UMAD1: variants seen among roughly 807,000 people sequenced by gnomAD.
UMAD1 encodes the protein UBAP1-MVB12-associated (UMA) domain containing 1.
In UMAD1, 8 loss-of-function variants were observed where a neutral mutation model predicts 6.1. The observed-to-expected ratio is 1.30, with a 90% CI of 0.76 to 2.35. UMAD1 has a LOEUF of 2.35. Ranked by LOEUF, UMAD1 falls within the 30% of genes most tolerant of loss-of-function variation. The pLI, the probability that UMAD1 is intolerant of heterozygous loss-of-function variation, is 0.00. For missense variants in UMAD1, 130 were observed against 78.4 expected (o/e 1.66, Z -2.49); for synonymous variants, 56 against 31.4 (o/e 1.78, Z -2.61).
chr7:7,803,967 T>A (rs994591802), intron 3 of UMAD1, among the ~76,000 whole-genome samples: 5 of 152,220 alleles, frequency 3.3e-5, no homozygotes, highest in Admixed American at 2.0e-4. Flanking sequence ...ATAGAAAGAA[T>A]TCCAAGACTA....
chr7:7,800,039 A>G (rs368224406), intron 2 of UMAD1, among the ~76,000 whole-genome samples: 152 of 152,230 alleles, frequency 1.0e-3, no homozygotes, highest in African/African-American at 3.6e-3. Flanking sequence ...ATGTGCCACC[A>G]TGTCCAGCTA....
intron 1 of UMAD1, among the ~76,000 whole-genome samples, chr7:7,642,975 T>C (rs1785009114): frequency 6.6e-6 from 1 of 152,220 alleles, no homozygotes; most frequent in Non-Finnish European, 1.5e-5. Flanking sequence ...TTGTTTGTTT[T>C]TGAGATTCAT....
Position 7,712,488 on chromosome 7 carries a change from G to A in UMAD1, c.82+39035G>A, listed in dbSNP as rs542737159. 1.9e-3 allele frequency among the ~76,000 whole-genome samples: 289 copies of A among 152,154 alleles called. 3 individuals carry two copies. The highest frequency in any genetic ancestry group is 6.8e-3 in the African/African-American group (282 of 41,516). On this transcript the variant is annotated intron_variant, in intron 2 of 3. Coordinates refer to ENST00000682710, the MANE Select transcript of UMAD1 (RefSeq NM_001302348.2). ...TATTATTATAGTAAATATTTTTAAA[G>A]TTGTATTTTCTGTTTGTTGCCAGCA... is the stretch of plus-strand genomic sequence containing the variant.
At chr7:7,747,491 A>G (rs567366087) in intron 2 of UMAD1, among the ~76,000 whole-genome samples, 1 of 152,368 alleles carries the variant, frequency 6.6e-6, no homozygotes, top group Non-Finnish European at 1.5e-5. Context: ...AGAGTAGTAG[A>G]GGATGGCTCT....
intron 3 of UMAD1, among the ~76,000 whole-genome samples, chr7:7,802,012 T>G (rs1421390794): frequency 6.6e-6 from 1 of 152,256 alleles, no homozygotes; most frequent in East Asian, 1.9e-4. Flanking sequence ...TTTAAACTAT[T>G]TTTAATTGAG....
At chr7:7,714,333 G>A (rs1202453935) in intron 2 of UMAD1, among the ~76,000 whole-genome samples, 1 of 152,202 alleles carries the variant, frequency 6.6e-6, no homozygotes. Flanking sequence ...GGCTGCTCCA[G>A]CAGAGTGCTG....
rs1782132975 is a variant in UMAD1 at position 7,773,044 on chromosome 7, C to G, written c.83-28626C>G. On this transcript the variant is annotated intron_variant, in intron 2 of 3. Transcript: ENST00000682710. ...TTAGCTCTAGGAAACATGAGATGCT[C>G]TGCTATAGAATAATTGCTTGTTTTT... Among the ~76,000 whole-genome samples the G allele has an allele frequency of 2.0e-5, 3 of 152,136 alleles. No individual in the cohort carries two copies. In the South Asian group the frequency reaches 6.2e-4, roughly 32 times the overall value.
intron 1 of UMAD1, among the ~76,000 whole-genome samples, chr7:7,656,828 C>T (rs747437735): frequency 2.0e-5 from 3 of 152,060 alleles, no homozygotes; most frequent in Non-Finnish European, 4.4e-5. Context: ...GGGTATATAC[C>T]CAGTAATGGG....
At chr7:7,852,030 C>T (rs1369276354) in intron 3 of UMAD1, among the ~76,000 whole-genome samples, 1 of 152,042 alleles carries the variant, frequency 6.6e-6, no homozygotes, top group East Asian at 1.9e-4. Flanking sequence ...TTTTGATCAA[C>T]TTTGAGTTAA....
chr7:7,736,835 T>G (rs1249957298), intron 2 of UMAD1: 2 of 152,256 alleles, frequency 1.3e-5, no homozygotes, highest in South Asian at 4.1e-4. Flanking sequence ...TGTCACATCC[T>G]TTACCAATGC....
chr7:7,836,131 A>C (rs1179752698), intron 3 of UMAD1, among the ~76,000 whole-genome samples: 1 of 152,090 alleles, frequency 6.6e-6, no homozygotes, highest in Non-Finnish European at 1.5e-5. Context: ...TACAATAATT[A>C]TACCGACTTC....
chr7:7,790,418 G>A (rs930935105), intron 2 of UMAD1, among the ~76,000 whole-genome samples: 4 of 152,184 alleles, frequency 2.6e-5, no homozygotes, highest in Non-Finnish European at 5.9e-5. Context: ...TTCTGTCTGC[G>A]TATTGTAGCC....
intron 3 of UMAD1, among the ~76,000 whole-genome samples, chr7:7,869,461 A>G (rs1784297546): frequency 6.6e-6 from 1 of 152,204 alleles, no homozygotes; most frequent in Non-Finnish European, 1.5e-5. Flanking sequence ...TTGCATGTAA[A>G]TTGAATGTGT....
intron 2 of UMAD1, among the ~76,000 whole-genome samples, chr7:7,786,982 A>G (rs1583824589): frequency 6.6e-6 from 1 of 152,238 alleles, no homozygotes; most frequent in East Asian, 1.9e-4. Flanking sequence ...ATTCCATGCT[A>G]GTCCTCCAAG....
intron 2 of UMAD1, among the ~76,000 whole-genome samples, chr7:7,677,723 G>T (rs1779782267): frequency 7.1e-6 from 1 of 141,086 alleles, no homozygotes; most frequent in East Asian, 2.0e-4. Flanking sequence ...GCCCAGGCTG[G>T]AGTGCAGTGG....
intron 1 of UMAD1, among the ~76,000 whole-genome samples, chr7:7,672,081 T>C (rs1779619818): frequency 6.6e-6 from 1 of 152,212 alleles, no homozygotes; most frequent in African/African-American, 2.4e-5. Flanking sequence ...AATTTTCAGT[T>C]GCTAGAAGGC....
In UMAD1 at chr7:7,678,107, A is replaced by G. The variant is rs959211977; in HGVS notation, c.82+4654A>G. Reference sequence around the variant, plus strand: ...TCTTCTTTTGGGTATGTACCCAGCAATAGAATTGCTGTATCATATAGTAGT... The same window carrying G: ...TCTTCTTTTGGGTATGTACCCAGCAGTAGAATTGCTGTATCATATAGTAGT... On this transcript the variant is annotated intron_variant, in intron 2 of 3. Transcript: ENST00000682710. Among the ~76,000 whole-genome samples, 7 of 149,758 alleles carry G rather than the reference A, an allele frequency of 4.7e-5. No homozygotes were observed. In the South Asian group the frequency reaches 8.5e-4, roughly 18 times the overall value.
At chr7:7,737,050 A>G (rs905380697) in intron 2 of UMAD1, among the ~76,000 whole-genome samples, 1 of 152,250 alleles carries the variant, frequency 6.6e-6, no homozygotes, top group African/African-American at 2.4e-5. Context: ...GGCGTGGGCC[A>G]TGCCCCTGTC....
chr7:7,801,502 A>G (rs1175014629), intron 2 of UMAD1, among the ~76,000 whole-genome samples, 168 bp from the exon 3 acceptor site: 2 of 152,228 alleles, frequency 1.3e-5, no homozygotes, highest in South Asian at 2.1e-4. Context: ...CCTGTTTATA[A>G]TTACTGTTCT....
Sources: allele counts gnomAD v4.1 joint callset (sites outside exome capture counted in the v4.1 genomes callset), GRCh38; gene constraint gnomAD v4.1.1; transcripts MANE v1.5; gene names NCBI Gene and HGNC (gene_info 2026-07-23, HGNC 2026-07-21).